The following SLC9A9 variants were observed in gnomAD, a reference collection of about 807,000 sequenced individuals.
The protein encoded by SLC9A9 is sodium/hydrogen exchanger 9.
A neutral mutation model predicts 77.8 loss-of-function variants in SLC9A9; 62 were observed. The observed-to-expected ratio is 0.80, with a 90% CI of 0.65 to 0.98. The LOEUF is 0.98. Among genes scored for constraint, SLC9A9 ranks in the 50% least tolerant of loss-of-function variants. The pLI, the probability that SLC9A9 is intolerant of heterozygous loss-of-function variation, is 0.00. For synonymous variants in SLC9A9, 320 were observed against 283.5 expected, an observed-to-expected ratio of 1.13 and a Z score of -1.29; for missense variants, 775 against 774.9, an observed-to-expected ratio of 1.00 and a Z score of 0.00.
At chr3:143,402,197 T>A (rs1363067788) in intron 12 of SLC9A9, among the ~76,000 whole-genome samples, 4 of 152,060 alleles carry the variant, frequency 2.6e-5, no homozygotes, top group East Asian at 1.9e-4. Context: ...AACAGTTTTT[T>A]TAAAAAAATT....
chr3:143,739,624 AATTTC>A (rs560361390), intron 4 of SLC9A9, among the ~76,000 whole-genome samples: 1,663 of 152,330 alleles, frequency 0.011, 15 homozygotes, highest in Non-Finnish European at 0.017. Flanking sequence ...CCAAGGTCTA[AATTTC>A]ATTTCATTTC....
At chr3:143,635,013 C>T (rs997907696) in intron 6 of SLC9A9, among the ~76,000 whole-genome samples, 4 of 151,998 alleles carry the variant, frequency 2.6e-5, no homozygotes, top group Admixed American at 2.0e-4. Context: ...GAGCAAACCA[C>T]CCCACAACTG....
At chr3:143,839,470 T>C (rs2009651484) in intron 1 of SLC9A9, among the ~76,000 whole-genome samples, 1 of 150,674 alleles carries the variant, frequency 6.6e-6, no homozygotes, top group Admixed American at 6.6e-5. Flanking sequence ...ATGTCCACAA[T>C]CCATCCTTGG....
chr3:143,380,538 C>T (rs748371628), intron 13 of SLC9A9, among the ~76,000 whole-genome samples: 2 of 152,184 alleles, frequency 1.3e-5, no homozygotes, highest in Non-Finnish European at 2.9e-5. Context: ...CAGCCACCAC[C>T]AGACATTACT....
Position 143,552,363 on chromosome 3 carries a change from T to C in SLC9A9, c.1088A>G (p.Gln363Arg), listed in dbSNP as rs919924162. 2 of 1,610,414 alleles carry C rather than the reference T, an allele frequency of 1.2e-6. No homozygotes were observed. Among genetic ancestry groups the C allele is most frequent in the Non-Finnish European group, 1.7e-6 (2 of 1,178,156 alleles). Residue 363 changes from glutamine to arginine, a missense_variant and splice_region_variant, in exon 9 of 16, where the codon CAG (glutamine) becomes CGG (arginine). By Grantham distance (43) the Gln-to-Arg change is conservative. Coordinates refer to ENST00000316549, the MANE Select transcript of SLC9A9 (RefSeq NM_173653.4). ...LSSDSKIRTK[Q>R]LFEFMNFLAE... Reference sequence around the variant, plus strand: ...TCTGTAGTAAATTTTTTCTTTTACCTGTTTAGTTCTTATTTTGGAATCCGA... The same window carrying C: ...TCTGTAGTAAATTTTTTCTTTTACCCGTTTAGTTCTTATTTTGGAATCCGA...
chr3:143,753,263 AT>A (rs2006807541), intron 4 of SLC9A9, among the ~76,000 whole-genome samples: 1 of 152,072 alleles, frequency 6.6e-6, no homozygotes, highest in Non-Finnish European at 1.5e-5. Flanking sequence ...TTTGGCCTGC[AT>A]GAAAAAAAAA....
Position 143,574,191 on chromosome 3 carries a change from C to G in SLC9A9, c.897G>C (p.Leu299Phe). The part of the protein sequence containing the change: ...GSAYAIITAL[L>F]TKFTKLCEFP... ...ACTCACACAGCTTGGTAAATTTGGTCAAGTGAGGAAGATAAGTTAAGGGAA... is the reference window on the plus strand; with the variant it reads ...ACTCACACAGCTTGGTAAATTTGGTGAAGTGAGGAAGATAAGTTAAGGGAA... The change falls in exon 8 of 16, where the codon TTG (leucine) becomes TTC (phenylalanine). Residue 299 changes from leucine to phenylalanine, a missense_variant and splice_region_variant. By Grantham distance (22) the Leu-to-Phe change is conservative (BLOSUM62 0). Transcript: ENST00000316549. 3 of 1,612,384 alleles carry G rather than the reference C, an allele frequency of 1.9e-6. No individual in the cohort carries two copies. The highest frequency in any genetic ancestry group is 2.5e-6 in the Non-Finnish European group (3 of 1,178,940).
chr3:143,348,398 C>T (rs1222880878), intron 14 of SLC9A9, among the ~76,000 whole-genome samples: 3 of 152,118 alleles, frequency 2.0e-5, no homozygotes, highest in Non-Finnish European at 2.9e-5. Context: ...AGTTAATATG[C>T]CAATTATTTA....
intron 4 of SLC9A9, among the ~76,000 whole-genome samples, chr3:143,693,685 A>G (rs58760671): frequency 0.43 from 65,357 of 151,918 alleles, 14,246 homozygotes; most frequent in South Asian, 0.6. Flanking sequence ...TTGTTTTGTC[A>G]CTGGCGGTGT....
intron 12 of SLC9A9, among the ~76,000 whole-genome samples, chr3:143,387,033 G>C (rs1001151851): frequency 1.3e-5 from 2 of 152,148 alleles, no homozygotes; most frequent in African/African-American, 4.8e-5. Context: ...TAGAGATGGG[G>C]TTTTGTCATA....
intron 4 of SLC9A9, among the ~76,000 whole-genome samples, chr3:143,723,253 A>C (rs75812677): frequency 1.3e-5 from 2 of 150,050 alleles, no homozygotes; most frequent in Admixed American, 6.6e-5. Flanking sequence ...CAATAAGCAG[A>C]AAAAAAAAAT....
At chr3:143,416,264 T>A (rs1440044897) in intron 12 of SLC9A9, among the ~76,000 whole-genome samples, 2 of 152,170 alleles carry the variant, frequency 1.3e-5, no homozygotes, top group Non-Finnish European at 2.9e-5. Context: ...CAAACTTGAT[T>A]GATAAAGCAG....
In SLC9A9 at chr3:143,394,485, C is replaced by T. The variant is rs192789385; in HGVS notation, c.1470-12371G>A. Among the ~76,000 whole-genome samples the T allele has an allele frequency of 7.9e-3, 1,207 of 152,294 alleles. 5 individuals are homozygous for T. The highest frequency in any genetic ancestry group is 0.014 in the Non-Finnish European group (928 of 68,022). ...ATAAGAGCTATCTATGACAAACCCA[C>T]AGTCAGTATCATACTGAATGGGCAA... On this transcript the variant is annotated intron_variant, in intron 12 of 15. Coordinates refer to ENST00000316549, the MANE Select transcript of SLC9A9 (RefSeq NM_173653.4).
intron 4 of SLC9A9, among the ~76,000 whole-genome samples, chr3:143,723,400 A>T (rs138217825): frequency 6.6e-6 from 1 of 152,280 alleles, no homozygotes; most frequent in Non-Finnish European, 1.5e-5. Flanking sequence ...CATTGCCTCA[A>T]GTTTAAGTTC....
At chr3:143,715,265 G>A (rs962536301) in intron 4 of SLC9A9, among the ~76,000 whole-genome samples, 9 of 152,134 alleles carry the variant, frequency 5.9e-5, no homozygotes, top group African/African-American at 2.2e-4. Flanking sequence ...AAAGGCCACT[G>A]CTCCAATCAG....
Position 143,302,612 on chromosome 3 carries a change from T to G in SLC9A9, c.1605-33632A>C, listed in dbSNP as rs145748770. ...GCAGGAGGGAAGGAAATAAGAGCAG[T>G]GATGGAGGGACAGAGGAAAGCAGTA... On this transcript the variant is annotated intron_variant, in intron 14 of 15. Transcript: ENST00000316549. Among the ~76,000 whole-genome samples, 24 of 150,170 alleles carry G rather than the reference T, an allele frequency of 1.6e-4. No individual in the cohort carries two copies. In the East Asian group the frequency reaches 4.1e-3, roughly 26 times the overall value.
chr3:143,776,013 C>T (rs1392218962), intron 4 of SLC9A9, among the ~76,000 whole-genome samples: 5 of 152,138 alleles, frequency 3.3e-5, no homozygotes, highest in African/African-American at 1.2e-4. Context: ...TGCTATGAAT[C>T]TGGCTTATAT....
intron 6 of SLC9A9, among the ~76,000 whole-genome samples, chr3:143,583,144 C>T (rs879448557): frequency 6.6e-6 from 1 of 151,410 alleles, no homozygotes; most frequent in Non-Finnish European, 1.5e-5. Flanking sequence ...CAGAGCAAGA[C>T]CTTGTCTCAA....
Position 143,327,313 on chromosome 3 carries a change from G to C in SLC9A9, c.1604+36171C>G, listed in dbSNP as rs139923807. On this transcript the variant is annotated intron_variant, in intron 14 of 15. Transcript: ENST00000316549. ...ACTTGTGGAGGTGGAACAGAGTTGG[G>C]GTGAATGAATAGTAAAGGAACTTTC... 6.7e-3 allele frequency among the ~76,000 whole-genome samples: 1,021 copies of C among 152,226 alleles called. 6 individuals are homozygous for C. The highest frequency in any genetic ancestry group is 0.024 in the African/African-American group (977 of 41,528).
Sources: gnomAD v4.1 joint callset for allele counts (sites outside exome capture counted in the v4.1 genomes callset) on GRCh38, gnomAD v4.1.1 for gene constraint, MANE v1.5 for transcripts, NCBI Gene and HGNC (gene_info 2026-07-23, HGNC 2026-07-21) for gene names.